The following STK32B variants were observed in gnomAD, a reference collection of about 807,000 sequenced individuals.
STK32B encodes serine/threonine-protein kinase 32B.
STK32B carries 43 observed loss-of-function variants against 52.6 expected under a neutral mutation model. The ratio of observed to expected loss-of-function variants is 0.82; its 90% CI spans 0.64 to 1.05. The LOEUF (loss-of-function observed/expected upper bound fraction) is 1.05. Ranked by LOEUF, STK32B falls within the 50% of genes least tolerant of loss-of-function variation. The pLI, the probability that STK32B is intolerant of heterozygous loss-of-function variation, is 0.00. For synonymous variants in STK32B, 238 were observed against 204.3 expected (o/e 1.17, Z -1.41); for missense variants, 621 against 534.6 (o/e 1.16, Z -1.59).
intron 4 of STK32B, among the ~76,000 whole-genome samples, chr4:5,336,206 CTT>C (rs1378131898): frequency 6.7e-6 from 1 of 150,100 alleles, no homozygotes; most frequent in Non-Finnish European, 1.5e-5. Flanking sequence ...AGAATGGTGT[CTT>C]TATGCCTTCA....
intron 1 of STK32B, among the ~76,000 whole-genome samples, chr4:5,096,038 TCTG>T (rs1164686197): frequency 6.6e-6 from 1 of 152,252 alleles, no homozygotes; most frequent in Non-Finnish European, 1.5e-5. Context: ...TTCATTGTCT[TCTG>T]TGTCTGTTTC....
At chr4:5,494,660 C>A (rs1439510066) in intron 11 of STK32B, among the ~76,000 whole-genome samples, 4 of 152,162 alleles carry the variant, frequency 2.6e-5, no homozygotes, top group Non-Finnish European at 4.4e-5. Context: ...GATGCAGTTT[C>A]TTCCTAGCCT....
At chr4:5,436,076 A>G (rs1009539332) in intron 6 of STK32B, 1 of 152,416 alleles carries the variant, frequency 6.6e-6, no homozygotes, top group African/African-American at 2.4e-5. Context: ...GGGCGGCACA[A>G]GACAGCTTGG....
At chr4:5,173,789 G>A (rs138634090) in intron 3 of STK32B, among the ~76,000 whole-genome samples, 6 of 152,078 alleles carry the variant, frequency 3.9e-5, no homozygotes, top group African/African-American at 1.4e-4. Context: ...TGTTGATTTG[G>A]GGTGGAGAGT....
At chr4:5,354,631 G>C (rs557827589) in intron 4 of STK32B, among the ~76,000 whole-genome samples, 90 of 152,254 alleles carry the variant, frequency 5.9e-4, no homozygotes, top group African/African-American at 2.0e-3. Context: ...ACATTATATT[G>C]TATATTTCAA....
intron 3 of STK32B, among the ~76,000 whole-genome samples, chr4:5,291,174 A>G (rs1401103779): frequency 6.6e-6 from 1 of 152,132 alleles, no homozygotes; most frequent in Non-Finnish European, 1.5e-5. Flanking sequence ...GTCCATAGGA[A>G]TTTTAATACC....
chr4:5,280,817 T>G (rs1300966750), intron 3 of STK32B, among the ~76,000 whole-genome samples: 1 of 152,156 alleles, frequency 6.6e-6, no homozygotes, highest in East Asian at 1.9e-4. Context: ...GAGAATCACT[T>G]GAGCCCAGAA....
At chr4:5,444,629 C>T (rs68125911) in intron 6 of STK32B, among the ~76,000 whole-genome samples, 21,135 of 152,192 alleles carry the variant, frequency 0.14, 1,675 homozygotes, top group East Asian at 0.28. Context: ...CTCCTCCCCC[C>T]GCCTTGGGCA....
chr4:5,384,984 G>A (rs186462485), intron 4 of STK32B, among the ~76,000 whole-genome samples: 4 of 152,236 alleles, frequency 2.6e-5, no homozygotes, highest in Non-Finnish European at 5.9e-5. Context: ...GTCATTGCTG[G>A]AACTGTGTTG....
chr4:5,479,874 T>C (rs1476154531), intron 11 of STK32B, among the ~76,000 whole-genome samples: 1 of 152,202 alleles, frequency 6.6e-6, no homozygotes, highest in Non-Finnish European at 1.5e-5. Flanking sequence ...CGTTTCTTTT[T>C]TAACTACAGA....
chr4:5,304,275 A>G (rs556715842), intron 3 of STK32B, among the ~76,000 whole-genome samples: 72 of 152,182 alleles, frequency 4.7e-4, no homozygotes, highest in African/African-American at 1.4e-3. Context: ...TGACAGTGTG[A>G]TCGTTTTCAC....
At chr4:5,324,909 T>A (rs1190087805) in intron 3 of STK32B, among the ~76,000 whole-genome samples, 1 of 152,200 alleles carries the variant, frequency 6.6e-6, no homozygotes, top group African/African-American at 2.4e-5. Context: ...ATGTGCCGAC[T>A]TCTCCCACTA....
At chr4:5,274,202 G>A (rs560489435) in intron 3 of STK32B, among the ~76,000 whole-genome samples, 3 of 152,106 alleles carry the variant, frequency 2.0e-5, no homozygotes, top group African/African-American at 7.2e-5. Flanking sequence ...AGTGAACAGA[G>A]TTACAAAATT....
At chr4:5,194,642 C>G (rs1243807682) in intron 3 of STK32B, among the ~76,000 whole-genome samples, 3 of 152,110 alleles carry the variant, frequency 2.0e-5, no homozygotes, top group African/African-American at 7.2e-5. Context: ...GTGTATTAGG[C>G]AGTTCTCTCA....
intron 6 of STK32B, among the ~76,000 whole-genome samples, chr4:5,426,218 G>A (rs1713077205): frequency 6.6e-6 from 1 of 152,098 alleles, no homozygotes; most frequent in South Asian, 2.1e-4. Flanking sequence ...GAGAGACCCG[G>A]TTGTTCTGTG....
intron 7 of STK32B, among the ~76,000 whole-genome samples, chr4:5,448,398 G>A (rs1715666853): frequency 6.6e-6 from 1 of 152,174 alleles, no homozygotes; most frequent in Non-Finnish European, 1.5e-5. Context: ...GAGGGTCCAC[G>A]ATGTCGTAGG....
At chr4:5,428,507 A>C (rs1426750820) in intron 6 of STK32B, among the ~76,000 whole-genome samples, 1 of 152,238 alleles carries the variant, frequency 6.6e-6, no homozygotes, top group African/African-American at 2.4e-5. Flanking sequence ...TGTCATGATC[A>C]GAGAAAATAT....
chr4:5,348,684 C>T (rs1733632162), intron 4 of STK32B, among the ~76,000 whole-genome samples: 1 of 152,202 alleles, frequency 6.6e-6, no homozygotes, highest in South Asian at 2.1e-4. Context: ...TTGGCACAGC[C>T]ACTGCCACCT....
chr4:5,359,385 C>A (rs56001947), intron 4 of STK32B, among the ~76,000 whole-genome samples: 46,198 of 148,534 alleles, frequency 0.31, 9,083 homozygotes, highest in African/African-American at 0.56. Context: ...CCAACCCTCC[C>A]TCCCTCCCTC....
Sources: allele counts gnomAD v4.1 joint callset (sites outside exome capture counted in the v4.1 genomes callset), GRCh38; gene constraint gnomAD v4.1.1; transcripts MANE v1.5; gene names NCBI Gene and HGNC (gene_info 2026-07-23, HGNC 2026-07-21).